The following GPC5 variants were observed in gnomAD, a reference collection of about 807,000 sequenced individuals.
GPC5 encodes the protein glypican-5.
Under a neutral mutation model 53.9 loss-of-function variants are expected in GPC5, and 47 were observed. The observed-to-expected ratio is 0.87, with a 90% confidence interval of 0.69 to 1.11. The LOEUF (loss-of-function observed/expected upper bound fraction) is 1.11. Ranked by LOEUF, GPC5 falls within the 50% of genes most tolerant of loss-of-function variation. The probability of loss-of-function intolerance (pLI) is 0.00; values close to 1 mark genes in which losing one functional copy is unlikely to be tolerated. For synonymous variants in GPC5, 286 were observed against 263.3 expected, an observed-to-expected ratio of 1.09 and a Z score of -0.84; for missense variants, 748 against 713.1, an observed-to-expected ratio of 1.05 and a Z score of -0.56.
chr13:92,355,312 C>T (rs7995782), intron 7 of GPC5, among the ~76,000 whole-genome samples: 2,596 of 151,602 alleles, frequency 0.017, 59 homozygotes, highest in African/African-American at 0.059. Flanking sequence ...AGCTCCATAA[C>T]CTTATTATAT....
At chr13:91,634,835 G>T (rs1334056748) in intron 2 of GPC5, among the ~76,000 whole-genome samples, 2 of 152,042 alleles carry the variant, frequency 1.3e-5, no homozygotes, top group East Asian at 1.9e-4. Context: ...ATATGATTAG[G>T]CTGAAGAGAC....
intron 7 of GPC5, among the ~76,000 whole-genome samples, chr13:92,827,932 A>G (rs1877907728): frequency 6.6e-6 from 1 of 152,148 alleles, no homozygotes; most frequent in Non-Finnish European, 1.5e-5. Context: ...GAAAGGACAC[A>G]TGAGACACTG....
chr13:92,111,548 T>C (rs1272763368), intron 6 of GPC5, among the ~76,000 whole-genome samples: 2 of 151,182 alleles, frequency 1.3e-5, no homozygotes, highest in African/African-American at 4.9e-5. Flanking sequence ...AACTAGATGT[T>C]TCTTCTTGAT....
At chr13:92,233,762 C>T (rs2042548808) in intron 7 of GPC5, among the ~76,000 whole-genome samples, 1 of 152,054 alleles carries the variant, frequency 6.6e-6, no homozygotes, top group African/African-American at 2.4e-5. Flanking sequence ...TACCCATTAA[C>T]TCGTCATTTA....
rs568508321 is a variant in GPC5, at chr13:92,352,578, C to T, written c.1561+207589C>T. Among the ~76,000 whole-genome samples the T allele has an allele frequency of 2.6e-5, 4 of 152,000 alleles. No individual in the cohort carries two copies. In the South Asian group the frequency reaches 8.3e-4, roughly 31 times the overall value. The stretch of plus-strand genomic sequence containing the variant: ...AGTAGATATTTTGCAGAAATAAAAA[C>T]ACATGTGGTCAATAAACATATGATA... On this transcript the variant is annotated intron_variant, in intron 7 of 7. Coordinates refer to ENST00000377067, the MANE Select transcript of GPC5 (RefSeq NM_004466.6).
intron 7 of GPC5, among the ~76,000 whole-genome samples, chr13:92,650,586 A>T (rs1885924960): frequency 6.6e-6 from 1 of 152,154 alleles, no homozygotes; most frequent in African/African-American, 2.4e-5. Context: ...GATATTCTTG[A>T]AAAACCACAT....
chr13:91,905,969 T>A (rs1202367357), intron 5 of GPC5, among the ~76,000 whole-genome samples: 2 of 152,182 alleles, frequency 1.3e-5, no homozygotes, highest in Non-Finnish European at 1.5e-5. Context: ...AAGTCTGAGA[T>A]TTTATTGCAC....
intron 6 of GPC5, among the ~76,000 whole-genome samples, chr13:92,130,376 G>T (rs2041733351): frequency 6.7e-6 from 1 of 149,026 alleles, no homozygotes. Context: ...GGCACAAGAA[G>T]TTCTAAAAAT....
intron 7 of GPC5, among the ~76,000 whole-genome samples, chr13:92,186,971 G>T (rs1014097185): frequency 6.6e-6 from 1 of 152,100 alleles, no homozygotes; most frequent in Non-Finnish European, 1.5e-5. Context: ...AATTAGCCGG[G>T]CGTGTTAGTG....
At chr13:91,730,698 C>G (rs2036677982) in intron 4 of GPC5, among the ~76,000 whole-genome samples, 1 of 152,122 alleles carries the variant, frequency 6.6e-6, no homozygotes, top group African/African-American at 2.4e-5. Context: ...AGCAACAGAG[C>G]CTTTTCTTTC....
intron 6 of GPC5, among the ~76,000 whole-genome samples, chr13:91,933,777 G>T (rs1284053007): frequency 6.6e-6 from 1 of 151,772 alleles, no homozygotes; most frequent in Non-Finnish European, 1.5e-5. Flanking sequence ...CATTCCCATT[G>T]GAATGTAAGT....
At chr13:92,459,417 A>G (rs944819033) in intron 7 of GPC5, among the ~76,000 whole-genome samples, 12 of 152,222 alleles carry the variant, frequency 7.9e-5, no homozygotes, top group Admixed American at 6.5e-4. Flanking sequence ...AATCTCTTGT[A>G]GTCCATCTGT....
intron 7 of GPC5, among the ~76,000 whole-genome samples, chr13:92,719,136 A>G (rs530129796): frequency 2.6e-5 from 4 of 151,944 alleles, no homozygotes; most frequent in African/African-American, 7.2e-5. Flanking sequence ...TGACTATAAA[A>G]TGTATTTGAA....
chr13:92,573,507 TGCCTCTCA>T (rs1566299883), intron 7 of GPC5, among the ~76,000 whole-genome samples: 2 of 152,218 alleles, frequency 1.3e-5, no homozygotes, highest in Non-Finnish European at 2.9e-5. Context: ...TTCAATTTCT[TGCCTCTCA>T]GCTTTTAATT....
At chr13:92,358,794 T>C (rs1015867654) in intron 7 of GPC5, among the ~76,000 whole-genome samples, 1 of 151,730 alleles carries the variant, frequency 6.6e-6, no homozygotes, top group African/African-American at 2.4e-5. Flanking sequence ...CTTGAGGTTG[T>C]TTAGGGCAGC....
intron 7 of GPC5, among the ~76,000 whole-genome samples, chr13:92,840,374 T>C (rs1472419839): frequency 6.6e-6 from 1 of 151,924 alleles, no homozygotes; most frequent in Non-Finnish European, 1.5e-5. Flanking sequence ...AGACCCACTG[T>C]CTTTCCCTAT....
intron 7 of GPC5, among the ~76,000 whole-genome samples, chr13:92,696,159 C>T (rs1467062886): frequency 1.3e-5 from 2 of 152,092 alleles, no homozygotes; most frequent in South Asian, 2.1e-4. Context: ...AATTAACATA[C>T]GTGTGCATGT....
At chr13:91,717,563 A>AT (rs113259870) in intron 3 of GPC5, among the ~76,000 whole-genome samples, 5,269 of 147,328 alleles carry the variant, frequency 0.036, 95 homozygotes, top group South Asian at 0.047. Context: ...TTGCTTGCAC[A>AT]TTTTTTTTTT....
chr13:91,612,030 C>G (rs1256860548), intron 2 of GPC5, among the ~76,000 whole-genome samples: 1 of 152,174 alleles, frequency 6.6e-6, no homozygotes, highest in African/African-American at 2.4e-5. Context: ...CTTGCATTGA[C>G]AGGAGAAGCC....
Sources: gnomAD v4.1 joint callset for allele counts (sites outside exome capture counted in the v4.1 genomes callset) on GRCh38, gnomAD v4.1.1 for gene constraint, MANE v1.5 for transcripts, NCBI Gene and HGNC (gene_info 2026-07-23, HGNC 2026-07-21) for gene names.